RLN2: variants seen among roughly 807,000 people sequenced by gnomAD.
The protein encoded by RLN2 is prorelaxin H2.
A neutral mutation model predicts 7.3 loss-of-function variants in RLN2; 10 were observed. The ratio of observed to expected loss-of-function variants is 1.36; its 90% CI spans 0.84 to 2.31. The LOEUF (loss-of-function observed/expected upper bound fraction) is 2.31. Among genes scored for constraint, RLN2 ranks in the 30% most tolerant of loss-of-function variants. The pLI is 0.00. For synonymous variants in RLN2, 103 were observed against 82.3 expected (o/e 1.25, Z -1.36); for missense variants, 298 against 217.6 (o/e 1.37, Z -2.32).
At chr9:5,321,278 G>C in the RLN2 span, among the ~76,000 whole-genome samples, 1 of 152,008 alleles carries the variant, frequency 6.6e-6, no homozygotes, top group African/African-American at 2.4e-5. Flanking sequence ...TGAGCTCATG[G>C]ACTTTCTTCC....
chr9:5,312,583 C>T, the RLN2 span, among the ~76,000 whole-genome samples: 4 of 151,982 alleles, frequency 2.6e-5, no homozygotes, highest in South Asian at 8.3e-4. Context: ...TAGTGGCTTT[C>T]TAATTTTTGG....
intron 1 of RLN2, among the ~76,000 whole-genome samples, chr9:5,302,282 C>A (rs1586928104): frequency 1.3e-5 from 2 of 152,104 alleles, no homozygotes; most frequent in South Asian, 4.1e-4. Flanking sequence ...TACCCTTATT[C>A]ACTTATTATT....
At chr9:5,312,627 G>T in the RLN2 span, among the ~76,000 whole-genome samples, 1 of 151,710 alleles carries the variant, frequency 6.6e-6, no homozygotes, top group Admixed American at 6.6e-5. Flanking sequence ...AAAAGTTGTT[G>T]TATACTGTTA....
chr9:5,309,630 T>C (rs1816312946), upstream of RLN2, among the ~76,000 whole-genome samples: 1 of 152,036 alleles, frequency 6.6e-6, no homozygotes, highest in African/African-American at 2.4e-5. Context: ...TGATGGATCT[T>C]TTGCTAACCA....
the RLN2 span, chr9:5,339,286 G>C: frequency 2.8e-6 from 1 of 361,280 alleles, no homozygotes; most frequent in Non-Finnish European, 4.7e-6. Flanking sequence ...GGAACTCTCG[G>C]GTGAAGCAGC....
At chr9:5,320,560 G>T in the RLN2 span, among the ~76,000 whole-genome samples, 1 of 151,004 alleles carries the variant, frequency 6.6e-6, no homozygotes, top group African/African-American at 2.4e-5. Flanking sequence ...TAGTAGAGAT[G>T]GAGTTTCACC....
chr9:5,306,747 A>G (rs913813974), upstream of RLN2, among the ~76,000 whole-genome samples: 2 of 151,986 alleles, frequency 1.3e-5, no homozygotes, highest in African/African-American at 2.4e-5. Flanking sequence ...TCATTTCCCT[A>G]TATCCTAGAT....
chr9:5,335,641 T>A, the RLN2 span: 3 of 1,183,528 alleles, frequency 2.5e-6, no homozygotes, highest in Admixed American at 2.2e-5. Context: ...CGTATTCACG[T>A]CAAAGAGCAT....
chr9:5,301,403 T>A (rs1005884136), intron 1 of RLN2, among the ~76,000 whole-genome samples: 1 of 152,232 alleles, frequency 6.6e-6, no homozygotes, highest in African/African-American at 2.4e-5. Context: ...AGTTAAAAGA[T>A]ATAAATTTAT....
upstream of RLN2, among the ~76,000 whole-genome samples, chr9:5,308,051 T>A (rs60962445): frequency 0.023 from 3,528 of 151,862 alleles, 90 homozygotes; most frequent in Middle Eastern, 0.12. Context: ...GTTTTTTTTT[T>A]AAATTATTAT....
the RLN2 span, among the ~76,000 whole-genome samples, chr9:5,322,364 G>A: frequency 3.1e-4 from 47 of 151,956 alleles, 1 homozygote; most frequent in Non-Finnish European, 2.1e-4. Context: ...CCCTCCAGAA[G>A]CAATATGCTT....
the RLN2 span, among the ~76,000 whole-genome samples, chr9:5,323,909 G>A: frequency 1.3e-5 from 2 of 151,850 alleles, no homozygotes; most frequent in African/African-American, 4.8e-5. Context: ...TTAGCCAGGT[G>A]TGTTGATATG....
At chr9:5,325,042 T>C in the RLN2 span, among the ~76,000 whole-genome samples, 18 of 152,178 alleles carry the variant, frequency 1.2e-4, no homozygotes, top group African/African-American at 4.1e-4. Flanking sequence ...GAAACCAAGT[T>C]AGATAAGATC....
chr9:5,323,756 AAT>A, the RLN2 span, among the ~76,000 whole-genome samples: 1 of 152,006 alleles, frequency 6.6e-6, no homozygotes, highest in African/African-American at 2.4e-5. Context: ...ATGGAATTAA[AAT>A]ACACAGGCCA....
At chr9:5,329,324 A>AG in the RLN2 span, among the ~76,000 whole-genome samples, 78 of 150,474 alleles carry the variant, frequency 5.2e-4, no homozygotes, top group African/African-American at 1.8e-3. Flanking sequence ...AAAAAAAAAA[A>AG]AAAAAGAAAA....
the RLN2 span, among the ~76,000 whole-genome samples, chr9:5,331,079 C>G: frequency 3.9e-5 from 6 of 151,966 alleles, 1 homozygote; most frequent in South Asian, 1.2e-3. Flanking sequence ...ACACCAATAA[C>G]AGGTTCTGAA....
chr9:5,309,134 G>T (rs1461291064), upstream of RLN2, among the ~76,000 whole-genome samples: 1 of 152,082 alleles, frequency 6.6e-6, no homozygotes, highest in Admixed American at 6.5e-5. Context: ...GTGAATAGGA[G>T]GTGATTAAAA....
chr9:5,311,505 C>T, the RLN2 span: 3 of 707,864 alleles, frequency 4.2e-6, no homozygotes, highest in East Asian at 2.6e-5. Flanking sequence ...GAAGGATGAA[C>T]CACAGAGAAG....
chr9:5,302,103 A>G (rs1816159208), intron 1 of RLN2, among the ~76,000 whole-genome samples: 4 of 152,330 alleles, frequency 2.6e-5, no homozygotes, highest in African/African-American at 9.6e-5. Flanking sequence ...CAGTTAAATG[A>G]GTCAGCCAAA....
Sources: allele counts gnomAD v4.1 joint callset (sites outside exome capture counted in the v4.1 genomes callset), GRCh38; gene constraint gnomAD v4.1.1; transcripts MANE v1.5; gene names NCBI Gene and HGNC (gene_info 2026-07-23, HGNC 2026-07-21).